The following DLGAP2 variants were observed in gnomAD, a reference collection of about 807,000 sequenced individuals.
DLGAP2 encodes disks large-associated protein 2.
Under a neutral mutation model 100.3 loss-of-function variants are expected in DLGAP2, and 26 were observed. The observed-to-expected ratio is 0.26, with a 90% CI of 0.19 to 0.36. The LOEUF (loss-of-function observed/expected upper bound fraction) is 0.36. DLGAP2 is among the 10% of genes least tolerant of loss of function. The pLI is 1.00. For synonymous variants in DLGAP2, 886 were observed against 630.1 expected (o/e 1.41, Z -6.08); for missense variants, 1,858 against 1,453.2 (o/e 1.28, Z -4.53).
At chr8:1,485,039 C>A (rs1200763636) in intron 3 of DLGAP2, among the ~76,000 whole-genome samples, 1 of 152,210 alleles carries the variant, frequency 6.6e-6, no homozygotes, top group Non-Finnish European at 1.5e-5. Flanking sequence ...ACATTACCAT[C>A]AGGCATTGCC....
chr8:1,299,203 T>C (rs968036929), intron 3 of DLGAP2, among the ~76,000 whole-genome samples: 1 of 152,214 alleles, frequency 6.6e-6, no homozygotes, highest in Non-Finnish European at 1.5e-5. Context: ...GTGGGTACTG[T>C]GCAGGGCGGC....
At chr8:1,602,965 C>A (rs1315148257) in intron 6 of DLGAP2, among the ~76,000 whole-genome samples, 1 of 152,178 alleles carries the variant, frequency 6.6e-6, no homozygotes, top group Non-Finnish European at 1.5e-5. Context: ...GGAAGGCTGG[C>A]TCTCAGTTCT....
At chr8:894,771 A>G (rs1332879476) in intron 1 of DLGAP2, among the ~76,000 whole-genome samples, 1 of 22,652 alleles carries the variant, frequency 4.4e-5, no homozygotes, top group African/African-American at 2.0e-4. Flanking sequence ...TGGCAGGGGT[A>G]GTGGCTGGCA....
intron 2 of DLGAP2, among the ~76,000 whole-genome samples, chr8:999,035 C>A (rs925466918): frequency 6.6e-6 from 1 of 152,126 alleles, no homozygotes; most frequent in Non-Finnish European, 1.5e-5. Flanking sequence ...ATGAACCATA[C>A]CAGGTTAGCT....
intron 3 of DLGAP2, among the ~76,000 whole-genome samples, chr8:1,268,908 GA>G (rs1322439804): frequency 6.6e-6 from 1 of 152,190 alleles, no homozygotes; most frequent in Non-Finnish European, 1.5e-5. Flanking sequence ...CTTTGTGGCA[GA>G]ATGACATGGC....
intron 1 of DLGAP2, among the ~76,000 whole-genome samples, chr8:819,586 ATAAT>A (rs1436666940): frequency 2.6e-5 from 4 of 152,244 alleles, no homozygotes; most frequent in Non-Finnish European, 2.9e-5. Context: ...AATCCATAAG[ATAAT>A]TAGTAACGTT....
chr8:1,469,587 G>A (rs184298726), intron 3 of DLGAP2, among the ~76,000 whole-genome samples: 144 of 152,276 alleles, frequency 9.5e-4, no homozygotes, highest in African/African-American at 3.3e-3. Context: ...AACCTCCCAC[G>A]TATTCGTATT....
chr8:863,518 A>C (rs1030394650), intron 1 of DLGAP2, among the ~76,000 whole-genome samples: 1 of 152,220 alleles, frequency 6.6e-6, no homozygotes, highest in African/African-American at 2.4e-5. Flanking sequence ...GCTGGATATT[A>C]ACCGCTGTCA....
chr8:1,453,936 A>T (rs1468744667), intron 3 of DLGAP2, among the ~76,000 whole-genome samples: 1 of 152,202 alleles, frequency 6.6e-6, no homozygotes, highest in African/African-American at 2.4e-5. Context: ...TGGAATGTGG[A>T]CATGTGCACA....
intron 2 of DLGAP2, among the ~76,000 whole-genome samples, chr8:1,165,844 C>A (rs375996980): frequency 6.7e-6 from 1 of 149,340 alleles, no homozygotes. Context: ...AATTTTCCCA[C>A]GTTAGATTTA....
At chr8:1,302,782 T>G (rs1429346080) in intron 3 of DLGAP2, among the ~76,000 whole-genome samples, 2 of 152,256 alleles carry the variant, frequency 1.3e-5, no homozygotes, top group Admixed American at 6.5e-5. Flanking sequence ...TGGAGCGACC[T>G]TGCCCAGAGC....
chr8:1,340,976 G>A (rs1486171713), intron 3 of DLGAP2, among the ~76,000 whole-genome samples: 2 of 152,188 alleles, frequency 1.3e-5, no homozygotes, highest in Non-Finnish European at 2.9e-5. Flanking sequence ...GCAAACTAGT[G>A]CAGGAACAGA....
chr8:1,552,161 A>T, intron 5 of DLGAP2, among the ~76,000 whole-genome samples: 1 of 151,908 alleles, frequency 6.6e-6, no homozygotes, highest in Non-Finnish European at 1.5e-5. Flanking sequence ...TCTCACGTCC[A>T]CTCAGATGAC....
At chr8:1,054,251 T>TAC (rs895152678) in intron 2 of DLGAP2, among the ~76,000 whole-genome samples, 5 of 151,660 alleles carry the variant, frequency 3.3e-5, no homozygotes, top group African/African-American at 1.2e-4. Flanking sequence ...TACACACACG[T>TAC]ACACACACGC....
At chr8:1,699,599 G>GT (rs1333273866) in intron 14 of DLGAP2, among the ~76,000 whole-genome samples, 3 of 151,952 alleles carry the variant, frequency 2.0e-5, no homozygotes, top group Admixed American at 6.6e-5. Context: ...AGGCAACAGA[G>GT]TGAGACTCTG....
intron 2 of DLGAP2, among the ~76,000 whole-genome samples, chr8:947,659 G>C (rs1799362815): frequency 6.6e-6 from 1 of 152,166 alleles, no homozygotes; most frequent in African/African-American, 2.4e-5. Context: ...GTCTGCTCTT[G>C]GCCGGGCCAT....
At chr8:1,110,635 C>T (rs559727654) in intron 2 of DLGAP2, among the ~76,000 whole-genome samples, 3 of 152,038 alleles carry the variant, frequency 2.0e-5, no homozygotes, top group South Asian at 2.1e-4. Flanking sequence ...GCCATACTGT[C>T]CCTGAAATTA....
intron 2 of DLGAP2, among the ~76,000 whole-genome samples, chr8:1,121,493 C>A (rs1796046756): frequency 6.6e-6 from 1 of 151,992 alleles, no homozygotes; most frequent in Non-Finnish European, 1.5e-5. Flanking sequence ...CCATGACCTC[C>A]CATCCTTGTT....
Position 1,483,531 on chromosome 8 carries a change from C to T in DLGAP2, c.107-17835C>T, listed in dbSNP as rs193178805. ...GACAAGGGAAGGCTGAACTGCTGTG[C>T]AAGAGGCTCAGGAAGCAGGACCTGA... On this transcript the variant is annotated intron_variant, in intron 3 of 14. Coordinates refer to ENST00000637795, the MANE Select transcript of DLGAP2 (RefSeq NM_001346810.2). Among the ~76,000 whole-genome samples, 16 of 138,338 alleles carry T rather than the reference C, an allele frequency of 1.2e-4. 1 individual carries two copies. Among genetic ancestry groups the T allele is most frequent in the African/African-American group, 4.5e-4 (14 of 31,046 alleles). The allele number at this position is 138,338 out of a possible 152,430, so 90.8% of individuals were successfully genotyped here. A position where few individuals can be genotyped will look rare whatever the true frequency, so the allele number is the denominator to read the frequency against.
Sources: allele counts gnomAD v4.1 joint callset (sites outside exome capture counted in the v4.1 genomes callset), GRCh38; gene constraint gnomAD v4.1.1; transcripts MANE v1.5; gene names NCBI Gene and HGNC (gene_info 2026-07-23, HGNC 2026-07-21).